Variants in WNT11 observed in about 807,000 individuals in gnomAD.
WNT11 encodes the protein Wnt family member 11, also known as protein Wnt-11.
Under a neutral mutation model 35.6 loss-of-function variants are expected in WNT11, and 20 were observed. That is an observed-to-expected ratio of 0.56 (90% CI 0.40 to 0.82). The LOEUF (loss-of-function observed/expected upper bound fraction) is 0.82, where lower values mean the gene tolerates loss of function less well. Ranked by LOEUF, WNT11 falls within the 40% of genes least tolerant of loss-of-function variation. The pLI, the probability that WNT11 is intolerant of heterozygous loss-of-function variation, is 0.00. For synonymous variants in WNT11, 200 were observed against 211.9 expected (o/e 0.94, Z 0.49); for missense variants, 459 against 504.4 (o/e 0.91, Z 0.86).
intron 1 of WNT11, 93 bp from the exon 2 acceptor site, chr11:76,196,811 T>A: frequency 7.3e-7 from 1 of 1,371,920 alleles, no homozygotes; most frequent in Non-Finnish European, 9.9e-7. Context: ...CCCCAGCCTT[T>A]CCCTCAATGG....
In WNT11 at chr11:76,194,595, C is replaced by T. The variant is rs558779531; in HGVS notation, c.569G>A (p.Arg190His). 13 of 1,550,130 alleles carry T rather than the reference C, an allele frequency of 8.4e-6. No individual in the cohort carries two copies. Among genetic ancestry groups the T allele is most frequent in the Middle Eastern group, 2.0e-4 (1 of 4,898 alleles). Residue 190 changes from arginine to histidine, a missense_variant, in exon 3 of 5, where the codon CGT becomes CAT. Coordinates refer to ENST00000322563, the MANE Select transcript of WNT11 (RefSeq NM_004626.3). The surrounding 1 kb of genome is among the most constrained non-coding windows in gnomAD (Gnocchi z 5.4). ...TCTCCCCACTTCACTGTTGTGTAGACGCATCAGTTTATTGGCTTGGGATCC... is the reference window on the plus strand; with the variant it reads ...TCTCCCCACTTCACTGTTGTGTAGATGCATCAGTTTATTGGCTTGGGATCC... Reference protein sequence around the residue: ...KTGSQANKLMRLHNSEVGRQA... With the variant: ...KTGSQANKLMHLHNSEVGRQA...
rs537979322 is a variant in WNT11 at position 76,194,089 on chromosome 11, C to T, written c.597+478G>A. Among the ~76,000 whole-genome samples the T allele has an allele frequency of 4.6e-5, 7 of 151,658 alleles. No homozygotes were observed. Among genetic ancestry groups the T allele is most frequent in the East Asian group, 2.0e-4 (1 of 5,122 alleles). On this transcript the variant is annotated intron_variant, in intron 3 of 4. Coordinates refer to ENST00000322563, the MANE Select transcript of WNT11 (RefSeq NM_004626.3). This position sits in a 1 kb window ranked among gnomAD's most constrained non-coding sequence, Gnocchi z 5.4. ...TTCGGTTGGTGTGGGTGGGAGTCCC[C>T]GTTAAATCCAAGCAGATGACCCCTT...
intron 1 of WNT11, among the ~76,000 whole-genome samples, chr11:76,203,808 C>T (rs1245665732): frequency 5.3e-5 from 8 of 152,224 alleles, no homozygotes; most frequent in Non-Finnish European, 1.2e-4. Flanking sequence ...CCCAGGCCAG[C>T]GGAGGCTCCT....
chr11:76,190,075 G>A (rs1260319180), intron 4 of WNT11, among the ~76,000 whole-genome samples: 1 of 152,022 alleles, frequency 6.6e-6, no homozygotes. Flanking sequence ...CTGCCCGGGA[G>A]GGGAGGGGAG....
chr11:76,210,691 T>C (rs1246853952), upstream of WNT11: 7 of 984,468 alleles, frequency 7.1e-6, no homozygotes, highest in African/African-American at 8.7e-5. Context: ...GGCTGCTCTC[T>C]GCTGCGCTCA....
At chr11:76,189,574 C>T (rs954728991) in intron 4 of WNT11, among the ~76,000 whole-genome samples, 1 of 152,192 alleles carries the variant, frequency 6.6e-6, no homozygotes, top group Non-Finnish European at 1.5e-5. Flanking sequence ...AGAGATACCC[C>T]GCATGCACAC....
At position 76,194,765 on chromosome 11, in the gene WNT11, G is replaced by A. The variant is rs540581520; in HGVS notation, c.399C>T (p.Gly133=). 54 of 1,555,708 alleles carry A rather than the reference G, an allele frequency of 3.5e-5. No individual in the cohort carries two copies. Among genetic ancestry groups the A allele is most frequent in the Middle Eastern group, 4.5e-4 (2 of 4,476 alleles). ...SHAIARACTS[G]DLPGCSCGPV... The stretch of plus-strand genomic sequence containing the variant: ...GGCCGCAGGAGCAGCCGGGCAGGTC[G>A]CCGGAGGTGCAGGCCCGGGCGATGG... The change falls in exon 3 of 5, where the codon GGC becomes GGT. Residue 133 remains glycine (G), a synonymous_variant. Transcript: ENST00000322563. This position sits in a 1 kb window ranked among gnomAD's most constrained non-coding sequence, Gnocchi z 5.4.
intron 4 of WNT11, among the ~76,000 whole-genome samples, chr11:76,189,507 C>T (rs942377582): frequency 2.6e-5 from 4 of 152,166 alleles, no homozygotes; most frequent in Non-Finnish European, 4.4e-5. Flanking sequence ...CTTGGTTTCC[C>T]CAGGTTAGAT....
At chr11:76,206,630 C>A, upstream of WNT11, 1 of 959,936 alleles carries the variant, frequency 1.0e-6, no homozygotes, top group Non-Finnish European at 1.3e-6. Context: ...CCGCTCCGCC[C>A]GGCCGGGGGA....
At chr11:76,204,971 C>T (rs950390222) in intron 1 of WNT11, among the ~76,000 whole-genome samples, 1 of 152,132 alleles carries the variant, frequency 6.6e-6, no homozygotes, top group Non-Finnish European at 1.5e-5. Flanking sequence ...AGAGCTTGGA[C>T]TCGCTGATCG....
chr11:76,188,182 G>A (rs978383645), intron 4 of WNT11, among the ~76,000 whole-genome samples: 4 of 152,260 alleles, frequency 2.6e-5, no homozygotes, highest in Non-Finnish European at 5.9e-5. Context: ...TGTGCCTCCT[G>A]TGGGTCAGGC....
Position 76,186,384 on chromosome 11 carries a change from G to A in WNT11, c.*681C>T, listed in dbSNP as rs971519293. Reference sequence around the variant, plus strand: ...CCAGGGTCTGCCGAGTTCACTTGACGAGGCCGGGAACTGCAGGGGCGGGCT... The same window carrying A: ...CCAGGGTCTGCCGAGTTCACTTGACAAGGCCGGGAACTGCAGGGGCGGGCT... On this transcript the variant is annotated 3_prime_UTR_variant, in exon 5 of 5. Coordinates refer to ENST00000322563, the MANE Select transcript of WNT11 (RefSeq NM_004626.3). 1.3e-5 allele frequency: 2 copies of A among 152,044 alleles called. No homozygotes were observed. The highest frequency in any genetic ancestry group is 6.6e-5 in the Admixed American group (1 of 15,254). 9.4% of individuals were successfully genotyped at this position (152,044 alleles called of 1,614,324 possible). A position where few individuals can be genotyped will look rare whatever the true frequency, so the allele number is the denominator to read the frequency against.
intron 1 of WNT11, among the ~76,000 whole-genome samples, chr11:76,205,420 C>G (rs2134605448): frequency 6.6e-6 from 1 of 152,310 alleles, no homozygotes; most frequent in East Asian, 1.9e-4. Context: ...ATTGCCCGAA[C>G]CAGCCAACTC....
At position 76,194,485 on chromosome 11, in the gene WNT11, A is replaced by G. The variant is rs1591304388; in HGVS notation, c.597+82T>C. On this transcript the variant is annotated intron_variant, in intron 3 of 4. Transcript: ENST00000322563. This position sits in a 1 kb window ranked among gnomAD's most constrained non-coding sequence, Gnocchi z 5.4. ...CAGGGCCCGTCCCCCCGCACCCCCC[A>G]CCACTGGGGCAAGCTGGGTGGCCCT... 1 of 1,442,976 alleles carries G rather than the reference A, an allele frequency of 6.9e-7. No individual in the cohort carries two copies. The highest frequency in any genetic ancestry group is 1.4e-5 in the South Asian group (1 of 71,520). 89.4% of individuals were successfully genotyped at this position (1,442,976 alleles called of 1,614,324 possible). A position where few individuals can be genotyped will look rare whatever the true frequency, so the allele number is the denominator to read the frequency against.
upstream of WNT11, chr11:76,206,578 G>A: frequency 1.7e-6 from 2 of 1,196,234 alleles, no homozygotes; most frequent in Non-Finnish European, 2.1e-6. Flanking sequence ...TACAAAGGAG[G>A]GGTCGGGGCC....
At chr11:76,207,544 C>T (rs1207376358), upstream of WNT11, among the ~76,000 whole-genome samples, 4 of 150,970 alleles carry the variant, frequency 2.6e-5, no homozygotes, top group Non-Finnish European at 5.9e-5. Flanking sequence ...GGGGCTTGCT[C>T]GGGGCCCTGC....
chr11:76,196,611 T>C lies in WNT11; in HGVS notation c.191A>G (p.Glu64Gly), dbSNP rs1953292332. ...AQVQLCRSNLELMHTVVHAAR... is the reference protein window; with the variant it reads ...AQVQLCRSNLGLMHTVVHAAR... ...GGCGTGCACCACCGTGTGCATGAGC[T>C]CCAGGTTGCTGCGGCACAGCTGCAC... Residue 64 changes from glutamate (E) to glycine (G), a missense_variant, in exon 2 of 5, where the codon GAG becomes GGG. Glu to Gly is a moderately conservative substitution (Grantham distance 98). Coordinates refer to ENST00000322563, the MANE Select transcript of WNT11 (RefSeq NM_004626.3). 1 of 1,613,548 alleles carries C rather than the reference T, an allele frequency of 6.2e-7. No individual in the cohort carries two copies. Among genetic ancestry groups the C allele is most frequent in the Admixed American group, 1.7e-5 (1 of 60,012 alleles).
At chr11:76,207,310 C>T (rs990440064), upstream of WNT11, among the ~76,000 whole-genome samples, 5 of 152,210 alleles carry the variant, frequency 3.3e-5, no homozygotes, top group African/African-American at 9.6e-5. Context: ...TTGCAGCGAG[C>T]GGAGATTGCG....
chr11:76,188,452 A>C (rs2134562996), intron 4 of WNT11, among the ~76,000 whole-genome samples: 1 of 152,378 alleles, frequency 6.6e-6, no homozygotes, highest in East Asian at 1.9e-4. Flanking sequence ...CACTGCTCTC[A>C]GTTCTTCTGT....
Sources: allele counts gnomAD v4.1 joint callset (sites outside exome capture counted in the v4.1 genomes callset), GRCh38; gene constraint gnomAD v4.1.1; non-coding constraint Gnocchi (gnomAD v3.1); transcripts MANE v1.5; gene names NCBI Gene and HGNC (gene_info 2026-07-23, HGNC 2026-07-21).